Variants in ARFIP1 observed in about 807,000 individuals in gnomAD.
ARFIP1 encodes the protein ARF interacting protein 1.
A neutral mutation model predicts 42.5 loss-of-function variants in ARFIP1; 24 were observed. The observed-to-expected ratio is 0.57, with a 90% confidence interval of 0.41 to 0.80. ARFIP1 has a LOEUF of 0.80. Among genes scored for constraint, ARFIP1 ranks in the 30% least tolerant of loss-of-function variants. The pLI is 0.00. For missense variants in ARFIP1, 354 were observed against 434.0 expected, an observed-to-expected ratio of 0.82 and a Z score of 1.64; for synonymous variants, 141 against 153.7, an observed-to-expected ratio of 0.92 and a Z score of 0.61.
At chr4:152,886,798 A>G (rs1363016629) in intron 7 of ARFIP1, among the ~76,000 whole-genome samples, 2 of 151,938 alleles carry the variant, frequency 1.3e-5, no homozygotes, top group African/African-American at 2.4e-5. Flanking sequence ...TGGAACGTGG[A>G]AAGTGCTCAC....
At position 152,863,593 on chromosome 4, in the gene ARFIP1, A is replaced by T; in HGVS notation, c.94-13A>T. 6.7e-7 allele frequency: 1 copy of T among 1,483,048 alleles called. No individual in the cohort carries two copies. The highest frequency in any genetic ancestry group is 9.3e-7 in the Non-Finnish European group (1 of 1,070,012). The allele number at this position is 1,483,048 out of a possible 1,614,324, so 91.9% of individuals were successfully genotyped here. On this transcript the variant is annotated splice_polypyrimidine_tract_variant and intron_variant, in intron 2 of 8. Transcript: ENST00000353617. ...TTTTACAAAGTTTTTTCTTTTATTT[A>T]AATCTTGCTAAGGATTTGAAGCATT...
At chr4:152,810,460 T>G (rs1729354949) in intron 1 of ARFIP1, 1 of 152,238 alleles carries the variant, frequency 6.6e-6, no homozygotes, top group Non-Finnish European at 1.5e-5. Context: ...CTGTGGTGTT[T>G]CCGTGGTAGA....
At chr4:152,808,009 T>A (rs1729118442) in intron 1 of ARFIP1, among the ~76,000 whole-genome samples, 1 of 152,162 alleles carries the variant, frequency 6.6e-6, no homozygotes, top group Non-Finnish European at 1.5e-5. Context: ...AGACAGAGTT[T>A]CGCTGTTGTT....
intron 2 of ARFIP1, among the ~76,000 whole-genome samples, chr4:152,853,937 G>T (rs1733209633): frequency 2.7e-5 from 3 of 111,496 alleles, no homozygotes; most frequent in East Asian, 2.8e-4. Flanking sequence ...TTGAGACTGA[G>T]TCTCACTCTA....
chr4:152,796,513 G>A (rs1256837185), intron 1 of ARFIP1: 11 of 751,814 alleles, frequency 1.5e-5, no homozygotes, highest in Admixed American at 3.9e-5. Context: ...TTCTCTTTTC[G>A]TTTCTGTTTA....
At chr4:152,892,348 T>C (rs899684665) in intron 8 of ARFIP1, among the ~76,000 whole-genome samples, 1 of 152,236 alleles carries the variant, frequency 6.6e-6, no homozygotes, top group Non-Finnish European at 1.5e-5. Flanking sequence ...TTTGGCTTTC[T>C]TTTGGTTCTC....
At chr4:152,891,190 A>G (rs978661420) in intron 8 of ARFIP1, among the ~76,000 whole-genome samples, 4 of 152,208 alleles carry the variant, frequency 2.6e-5, no homozygotes, top group Admixed American at 6.5e-5. Context: ...GAGGGTGAAG[A>G]TTTCAGCATT....
At chr4:152,835,149 G>A (rs570561484) in intron 2 of ARFIP1, among the ~76,000 whole-genome samples, 10 of 152,288 alleles carry the variant, frequency 6.6e-5, no homozygotes, top group African/African-American at 2.4e-4. Context: ...AATCTCTCTA[G>A]CAAGTGGCTG....
chr4:152,825,513 C>T (rs1730762181), intron 1 of ARFIP1, among the ~76,000 whole-genome samples: 1 of 152,070 alleles, frequency 6.6e-6, no homozygotes, highest in Non-Finnish European at 1.5e-5. Flanking sequence ...TGAAACTGGA[C>T]CCTTGCCTGT....
At chr4:152,788,556 C>T (rs1730949650) in intron 1 of ARFIP1, among the ~76,000 whole-genome samples, 2 of 152,162 alleles carry the variant, frequency 1.3e-5, no homozygotes, top group South Asian at 2.1e-4. Flanking sequence ...TGGTGCCCAT[C>T]TGTGATCTCA....
At chr4:152,826,947 A>G (rs1221530439) in intron 1 of ARFIP1, among the ~76,000 whole-genome samples, 2 of 152,230 alleles carry the variant, frequency 1.3e-5, no homozygotes, top group African/African-American at 4.8e-5. Flanking sequence ...TAAATACTGT[A>G]CAATTCCACT....
At chr4:152,831,778 T>A (rs755299081) in intron 2 of ARFIP1, among the ~76,000 whole-genome samples, 2 of 152,164 alleles carry the variant, frequency 1.3e-5, no homozygotes, top group Non-Finnish European at 2.9e-5. Context: ...TCTTTTTTTT[T>A]AAATTTTAAG....
rs746254973 is a variant in ARFIP1 at position 152,888,128 on chromosome 4, T to C, written c.792-5T>C. 1.3e-6 allele frequency: 2 copies of C among 1,591,904 alleles called. No homozygotes were observed. Among genetic ancestry groups the C allele is most frequent in the South Asian group, 1.2e-5 (1 of 86,642 alleles). ...AGTATGCTTCACTTACTCTCTTCTT[T>C]CCAGGATTGAATATGATGCATATCG... On this transcript the variant is annotated splice_polypyrimidine_tract_variant and splice_region_variant and intron_variant, in intron 7 of 8. Coordinates refer to ENST00000353617, the MANE Select transcript of ARFIP1 (RefSeq NM_001025595.3).
At chr4:152,800,650 A>G (rs956072795) in intron 1 of ARFIP1, among the ~76,000 whole-genome samples, 1 of 152,166 alleles carries the variant, frequency 6.6e-6, no homozygotes, top group African/African-American at 2.4e-5. Flanking sequence ...CTGTCCTTCA[A>G]TATAGTAACA....
rs535397594 is a variant in ARFIP1 at position 152,781,234 on chromosome 4, C to CTTTTTTTT, written c.-10+1020_-10+1027dup. ...TTCAGGAATTGGCCTTTTCTTTTTT[C>CTTTTTTTT]TTTTTTTTTTTTTTTTTTTGAGACA... On this transcript the variant is annotated intron_variant, in intron 1 of 8. Transcript: ENST00000353617. Among the ~76,000 whole-genome samples, 414 of 118,850 alleles carry CTTTTTTTT rather than the reference C, an allele frequency of 3.5e-3. 1 individual carries two copies. The highest frequency in any genetic ancestry group is 5.0e-3 in the Non-Finnish European group (295 of 59,386). The allele number at this position is 118,850 out of a possible 152,430, so 78.0% of individuals were successfully genotyped here. A position where few individuals can be genotyped will look rare whatever the true frequency, so the allele number is the denominator to read the frequency against.
chr4:152,876,619 AT>A (rs1735355774), intron 5 of ARFIP1, among the ~76,000 whole-genome samples: 1 of 152,254 alleles, frequency 6.6e-6, no homozygotes, highest in Non-Finnish European at 1.5e-5. Context: ...AGCTGCAGAA[AT>A]TTGCATAAGT....
intron 2 of ARFIP1, among the ~76,000 whole-genome samples, chr4:152,838,915 G>A (rs553320848): frequency 6.6e-6 from 1 of 152,108 alleles, no homozygotes; most frequent in African/African-American, 2.4e-5. Flanking sequence ...TGGCTGTGGG[G>A]TTTCTCATAG....
chr4:152,821,205 T>TGG (rs1730339214), intron 1 of ARFIP1, among the ~76,000 whole-genome samples: 1 of 151,994 alleles, frequency 6.6e-6, no homozygotes, highest in African/African-American at 2.4e-5. Context: ...CTGAAGGAGA[T>TGG]ACAAAAGAAC....
At chr4:152,868,042 T>G (rs887925729) in intron 3 of ARFIP1, among the ~76,000 whole-genome samples, 11 of 152,244 alleles carry the variant, frequency 7.2e-5, no homozygotes, top group African/African-American at 2.7e-4. Context: ...GTGTTAGCTC[T>G]CTGGAAAGAT....
Sources: allele counts gnomAD v4.1 joint callset (sites outside exome capture counted in the v4.1 genomes callset), GRCh38; gene constraint gnomAD v4.1.1; transcripts MANE v1.5; gene names NCBI Gene and HGNC (gene_info 2026-07-23, HGNC 2026-07-21).